The following LIMD1 variants were observed in gnomAD, a reference collection of about 807,000 sequenced individuals.
LIMD1 encodes LIM domain-containing protein 1.
A neutral mutation model predicts 58.4 loss-of-function variants in LIMD1; 23 were observed. The ratio of observed to expected loss-of-function variants is 0.39; its 90% CI spans 0.28 to 0.56. LIMD1 has a LOEUF of 0.56. Among genes scored for constraint, LIMD1 ranks in the 20% least tolerant of loss-of-function variants. The pLI, the probability that LIMD1 is intolerant of heterozygous loss-of-function variation, is 0.57. For synonymous variants in LIMD1, 334 were observed against 345.5 expected (o/e 0.97, Z 0.37); for missense variants, 838 against 855.5 (o/e 0.98, Z 0.25).
intron 1 of LIMD1, among the ~76,000 whole-genome samples, chr3:45,605,659 C>A (rs1701461493): frequency 6.6e-6 from 1 of 152,200 alleles, no homozygotes; most frequent in Non-Finnish European, 1.5e-5. Context: ...CGAAAGGTGT[C>A]CTTTAGGAAA....
At chr3:45,641,099 T>A (rs146311736) in intron 2 of LIMD1, among the ~76,000 whole-genome samples, 406 of 152,332 alleles carry the variant, frequency 2.7e-3, no homozygotes, top group African/African-American at 9.1e-3. Context: ...TGTGTCTCTG[T>A]GAGCCTCAAC....
intron 1 of LIMD1, among the ~76,000 whole-genome samples, chr3:45,609,864 G>C (rs1160774578): frequency 6.6e-6 from 1 of 152,158 alleles, no homozygotes; most frequent in Non-Finnish European, 1.5e-5. Context: ...CAGGGCCCAA[G>C]GCACTGCCTG....
At chr3:45,645,572 A>G (rs1226572716) in intron 2 of LIMD1, among the ~76,000 whole-genome samples, 1 of 152,104 alleles carries the variant, frequency 6.6e-6, no homozygotes, top group Non-Finnish European at 1.5e-5. Flanking sequence ...GGAAGAGGAG[A>G]ATGAAGAGCA....
At chr3:45,604,586 C>T (rs758061345) in intron 1 of LIMD1, among the ~76,000 whole-genome samples, 1 of 152,272 alleles carries the variant, frequency 6.6e-6, no homozygotes, top group Non-Finnish European at 1.5e-5. Flanking sequence ...TCTGGCCCAC[C>T]CCTCCTGTGC....
rs1697770762 is a variant in LIMD1 at position 45,683,624 on chromosome 3, A to G, written c.*6565A>G. ...AGCCTCTGATTGGTCCCCTCCCACAACCAATCAAACTGATCATGGACCTCT... is the reference window on the plus strand; with the variant it reads ...AGCCTCTGATTGGTCCCCTCCCACAGCCAATCAAACTGATCATGGACCTCT... On this transcript the variant is annotated 3_prime_UTR_variant, in exon 8 of 8. Transcript: ENST00000273317. 1 of 152,102 alleles carries G rather than the reference A, an allele frequency of 6.6e-6. No individual in the cohort carries two copies. Among genetic ancestry groups the G allele is most frequent in the Admixed American group, 6.6e-5 (1 of 15,266 alleles). 9.4% of individuals were successfully genotyped at this position (152,102 alleles called of 1,614,324 possible).
chr3:45,666,820 G>A (rs148508195), intron 3 of LIMD1, among the ~76,000 whole-genome samples: 11 of 152,300 alleles, frequency 7.2e-5, no homozygotes, highest in Admixed American at 7.2e-4. Flanking sequence ...GGTAGTTGGT[G>A]GTTGAAATGA....
At chr3:45,667,915 A>T (rs530225353) in intron 3 of LIMD1, among the ~76,000 whole-genome samples, 1 of 152,246 alleles carries the variant, frequency 6.6e-6, no homozygotes, top group Non-Finnish European at 1.5e-5. Context: ...TGAGTTTCCA[A>T]ATCAGTAGGT....
intron 1 of LIMD1, among the ~76,000 whole-genome samples, chr3:45,606,161 C>G (rs550970583): frequency 3.1e-4 from 47 of 152,278 alleles, no homozygotes; most frequent in Non-Finnish European, 6.3e-4. Flanking sequence ...TCCCAACAAC[C>G]CTACTTTATT....
chr3:45,632,070 A>C (rs1271189957), intron 1 of LIMD1, among the ~76,000 whole-genome samples: 2 of 152,224 alleles, frequency 1.3e-5, no homozygotes, highest in Admixed American at 1.3e-4. Context: ...CAAAGAGGCC[A>C]CAGCATTTGG....
intron 3 of LIMD1, 27 bp from the exon 4 acceptor site, chr3:45,668,267 T>G: frequency 1.2e-6 from 2 of 1,600,814 alleles, no homozygotes; most frequent in South Asian, 1.1e-5. Context: ...AGTCTGGGTT[T>G]AACTTTCTTT....
At position 45,667,417 on chromosome 3, in the gene LIMD1, G is replaced by A. The variant is rs554915885; in HGVS notation, c.1579-877G>A. On this transcript the variant is annotated intron_variant, in intron 3 of 7. Transcript: ENST00000273317. ...CCCCCAGAATGGGGCGTAGGTGCCA[G>A]ACAACAGAAACCTCCACCACATGGT... 8.9e-4 allele frequency among the ~76,000 whole-genome samples: 135 copies of A among 152,208 alleles called. 1 individual carries two copies. The highest frequency in any genetic ancestry group is 1.0e-3 in the Non-Finnish European group (71 of 68,002).
At chr3:45,613,172 C>G (rs197946) in intron 1 of LIMD1, among the ~76,000 whole-genome samples, 144,177 of 152,278 alleles carry the variant, frequency 0.95, 68,734 homozygotes, top group East Asian at 1. Flanking sequence ...GAGAAGCTTT[C>G]TTCAGGCACG....
At chr3:45,610,986 G>A (rs552653595) in intron 1 of LIMD1, among the ~76,000 whole-genome samples, 26 of 152,274 alleles carry the variant, frequency 1.7e-4, no homozygotes, top group African/African-American at 5.5e-4. Flanking sequence ...TACTTCCTAA[G>A]TATGGATACT....
At position 45,595,209 on chromosome 3, in the gene LIMD1, G is replaced by A. The variant is rs756514526; in HGVS notation, c.330G>A (p.Ser110=). ...CTGCCAAGCCTCCTCTTGCTGCCTC[G>A]ACAGGGGCACCTGGGGCAGTCACCA... ...DGAAKPPLAA[S]TGAPGAVTTL... Residue 110 remains serine (S), a synonymous_variant, in exon 1 of 8, where the codon TCG becomes TCA. Transcript: ENST00000273317. 2 of 1,602,054 alleles carry A rather than the reference G, an allele frequency of 1.2e-6. No individual in the cohort carries two copies. The highest frequency in any genetic ancestry group is 2.2e-5 in the East Asian group (1 of 44,678).
At chr3:45,662,151 A>G (rs1445527475) in intron 2 of LIMD1, among the ~76,000 whole-genome samples, 1 of 152,196 alleles carries the variant, frequency 6.6e-6, no homozygotes, top group Non-Finnish European at 1.5e-5. Flanking sequence ...CCTATTCTTT[A>G]CCCATTTTTT....
At position 45,619,839 on chromosome 3, in the gene LIMD1, C is replaced by CA. The variant is rs201367339; in HGVS notation, c.1409-16304dup. 9.3e-4 allele frequency among the ~76,000 whole-genome samples: 95 copies of CA among 101,936 alleles called. 1 individual carries two copies. The highest frequency in any genetic ancestry group is 8.9e-3 in the Middle Eastern group (2 of 224). The allele number at this position is 101,936 out of a possible 152,430, so 66.9% of individuals were successfully genotyped here. A position where few individuals can be genotyped will look rare whatever the true frequency, so the allele number is the denominator to read the frequency against. On this transcript the variant is annotated intron_variant, in intron 1 of 7. Transcript: ENST00000273317. Reference sequence around the variant, plus strand: ...ATAACCAACCCCCCGCCCCCCCCCCCAAAAAAAGCACATTTTACTGGGCAT... The same window carrying CA: ...ATAACCAACCCCCCGCCCCCCCCCCCAAAAAAAAGCACATTTTACTGGGCAT...
At chr3:45,647,716 C>G (rs1365214608) in intron 2 of LIMD1, among the ~76,000 whole-genome samples, 1 of 152,228 alleles carries the variant, frequency 6.6e-6, no homozygotes, top group Non-Finnish European at 1.5e-5. Flanking sequence ...CCTTCAGCTA[C>G]TTTTTGCCTT....
At chr3:45,673,549 T>C in intron 6 of LIMD1, 44 bp downstream of exon 6, 1 of 1,420,078 alleles carries the variant, frequency 7.0e-7, no homozygotes, top group East Asian at 2.3e-5. Flanking sequence ...TTCTAAGACA[T>C]GAATATCTCC....
intron 2 of LIMD1, among the ~76,000 whole-genome samples, chr3:45,645,650 G>T (rs1216421329): frequency 6.6e-6 from 1 of 152,156 alleles, no homozygotes; most frequent in Admixed American, 6.5e-5. Flanking sequence ...CCTCATCTCA[G>T]AGCCAGAGTC....
Sources: allele counts gnomAD v4.1 joint callset (sites outside exome capture counted in the v4.1 genomes callset), GRCh38; gene constraint gnomAD v4.1.1; transcripts MANE v1.5; gene names NCBI Gene and HGNC (gene_info 2026-07-23, HGNC 2026-07-21).